SCN1A: variants seen among roughly 807,000 people sequenced by gnomAD.
The protein encoded by SCN1A is sodium channel protein type 1 subunit alpha.
SCN1A carries 13 observed loss-of-function variants against 193.7 expected under a neutral mutation model. The observed-to-expected ratio is 0.07, with a 90% CI of 0.04 to 0.11. The LOEUF is 0.11. Ranked by LOEUF, SCN1A falls within the 10% of genes least tolerant of loss-of-function variation. SCN1A has a pLI of 1.00. For synonymous variants in SCN1A, 781 were observed against 843.6 expected (o/e 0.93, Z 1.29); for missense variants, 1,432 against 2,451.1 (o/e 0.58, Z 8.78).
chr2:166,105,512 C>A (rs901038009), intron 2 of SCN1A, among the ~76,000 whole-genome samples: 2 of 152,120 alleles, frequency 1.3e-5, no homozygotes, highest in African/African-American at 2.4e-5. Flanking sequence ...CGTATTTGAC[C>A]ATATGAAAAT....
At chr2:166,015,570 C>G (rs764118654) in intron 20 of SCN1A, 37 bp downstream of exon 20, 3 of 1,611,150 alleles carry the variant, frequency 1.9e-6, no homozygotes, top group Non-Finnish European at 2.5e-6. Context: ...AAGCTGCACT[C>G]CAAATGAAAG....
At chr2:166,001,048 T>C (rs912948326) in intron 24 of SCN1A, among the ~76,000 whole-genome samples, 8 of 151,788 alleles carry the variant, frequency 5.3e-5, no homozygotes, top group African/African-American at 1.7e-4. Flanking sequence ...TAGTGATATT[T>C]ACAAGTATGG....
chr2:166,054,345 TTGTG>T (rs1183652212), intron 7 of SCN1A, among the ~76,000 whole-genome samples: 1 of 130,606 alleles, frequency 7.7e-6, no homozygotes, highest in African/African-American at 2.6e-5. Flanking sequence ...TGACATTAGA[TTGTG>T]TGTGTTCATA....
chr2:166,088,378 A>G lies in SCN1A; in HGVS notation c.-141-10577T>C, dbSNP rs527383853. ...TGCCAATGCCTATTTTCAGGTGTCA[A>G]TGATGAAGAACTGGAAAAAGATATA... is the stretch of plus-strand genomic sequence containing the variant. On this transcript the variant is annotated intron_variant, in intron 2 of 28. Transcript: ENST00000674923. Among the ~76,000 whole-genome samples, 20 of 152,304 alleles carry G rather than the reference A, an allele frequency of 1.3e-4. No homozygotes were observed. The South Asian group carries it at 3.1e-3, about 24-fold the overall frequency.
intron 3 of SCN1A, among the ~76,000 whole-genome samples, chr2:166,074,996 G>A (rs1684850426): frequency 1.3e-5 from 2 of 152,106 alleles, no homozygotes; most frequent in African/African-American, 2.4e-5. Context: ...CAGTTATTTA[G>A]TACCTGCAAG....
intron 1 of SCN1A, among the ~76,000 whole-genome samples, chr2:166,134,998 A>T (rs1272244907): frequency 6.6e-6 from 1 of 152,220 alleles, no homozygotes; most frequent in Non-Finnish European, 1.5e-5. Context: ...GAATGAAGTT[A>T]CTGTGTGGAT....
At chr2:166,008,643 C>T (rs986617681) in intron 23 of SCN1A, among the ~76,000 whole-genome samples, 2 of 150,890 alleles carry the variant, frequency 1.3e-5, no homozygotes, top group Admixed American at 6.6e-5. Flanking sequence ...TTAGGGAAAT[C>T]GAAGACAAGT....
intron 14 of SCN1A, 112 bp downstream of exon 14, chr2:166,043,557 A>T: frequency 8.2e-7 from 1 of 1,218,458 alleles, no homozygotes; most frequent in Non-Finnish European, 1.1e-6. Flanking sequence ...ATGCAGGTGC[A>T]TTCACAGCGT....
intron 2 of SCN1A, among the ~76,000 whole-genome samples, chr2:166,121,539 T>C (rs1233366308): frequency 6.6e-6 from 1 of 152,228 alleles, no homozygotes; most frequent in Admixed American, 6.5e-5. Context: ...CATCATTTTA[T>C]TTCTGCCCCC....
chr2:166,147,492 A>T (rs1692370774), intron 1 of SCN1A, among the ~76,000 whole-genome samples: 1 of 152,228 alleles, frequency 6.6e-6, no homozygotes, highest in Non-Finnish European at 1.5e-5. Flanking sequence ...CAAATCAATT[A>T]TAGACAATTT....
At chr2:166,120,282 T>A (rs1256363034) in intron 2 of SCN1A, among the ~76,000 whole-genome samples, 1 of 151,630 alleles carries the variant, frequency 6.6e-6, no homozygotes, top group Non-Finnish European at 1.5e-5. Flanking sequence ...AAACAAAAAC[T>A]TTATAAAGAA....
rs2105411580 is a variant in SCN1A at position 165,989,734 on chromosome 2, G to A, written c.*1511C>T. On this transcript the variant is annotated 3_prime_UTR_variant, in exon 29 of 29. Transcript: ENST00000674923. ...ACTATGGACAGAAAGTAAGAAAAGT[G>A]ATTGTGATATCAACCTGAAGATAAT... is the stretch of plus-strand genomic sequence containing the variant. 1 of 152,662 alleles carries A rather than the reference G, an allele frequency of 6.6e-6. No individual in the cohort carries two copies. Among genetic ancestry groups the A allele is most frequent in the East Asian group, 1.9e-4 (1 of 5,168 alleles). 9.5% of individuals were successfully genotyped at this position (152,662 alleles called of 1,614,324 possible). A position where few individuals can be genotyped will look rare whatever the true frequency, so the allele number is the denominator to read the frequency against.
Position 166,023,844 on chromosome 2 carries a change from C to T in SCN1A, c.3430-8117G>A, listed in dbSNP as rs564535859. On this transcript the variant is annotated intron_variant, in intron 19 of 28. Transcript: ENST00000674923. ...AGGCTGGAGTGCAATGGCGCAATCT[C>T]GGCTCACTGTGACCTCTGCCTCCCG... Among the ~76,000 whole-genome samples, 103 of 151,892 alleles carry T rather than the reference C, an allele frequency of 6.8e-4. No homozygotes were observed. The Middle Eastern group carries it at 0.01, about 15-fold the overall frequency.
intron 10 of SCN1A, 94 bp from the exon 11 acceptor site, chr2:166,047,862 T>A (rs1028340097): frequency 6.5e-7 from 1 of 1,545,250 alleles, no homozygotes; most frequent in Non-Finnish European, 8.9e-7. Flanking sequence ...AAAGATTTGG[T>A]ATTTCAAAAT....
intron 2 of SCN1A, among the ~76,000 whole-genome samples, chr2:166,088,432 A>G (rs1225284112): frequency 6.6e-6 from 1 of 152,170 alleles, no homozygotes; most frequent in Non-Finnish European, 1.5e-5. Context: ...AAAGAAAAAA[A>G]TGCATGCTTT....
chr2:166,092,225 G>GA (rs1354813340), intron 2 of SCN1A, among the ~76,000 whole-genome samples: 3 of 152,048 alleles, frequency 2.0e-5, no homozygotes, highest in African/African-American at 7.2e-5. Flanking sequence ...AGATCTTTTT[G>GA]AAAACACATA....
In SCN1A at chr2:166,073,388, C is replaced by T. The variant is rs121917933; in HGVS notation, c.234G>A (p.Glu78=). The T allele has an allele frequency of 4.3e-6, 7 of 1,614,118 alleles. No individual in the cohort carries two copies. The highest frequency in any genetic ancestry group is 5.1e-6 in the Non-Finnish European group (6 of 1,180,030). Residue 78 remains glutamate (E), a synonymous_variant, in exon 4 of 29, where the codon GAG becomes GAA. Transcript: ENST00000674923. ...TATTGATATAGTAGGGGTCCAGGTC[C>T]TCCAGGGGCTCTGACACCATCTCTG... The part of the protein sequence containing the change: ...IPPEMVSEPL[E]DLDPYYINKK...
At chr2:166,087,632 A>C (rs1332499515) in intron 2 of SCN1A, among the ~76,000 whole-genome samples, 1 of 152,144 alleles carries the variant, frequency 6.6e-6, no homozygotes, top group Non-Finnish European at 1.5e-5. Flanking sequence ...TACAGTCTGA[A>C]GAACCATAAG....
At chr2:166,128,716 T>G (rs1691497920), upstream of SCN1A, among the ~76,000 whole-genome samples, 1 of 152,208 alleles carries the variant, frequency 6.6e-6, no homozygotes, top group Non-Finnish European at 1.5e-5. Context: ...TTTCCCATCT[T>G]GTGGACACAG....
Sources: gnomAD v4.1 joint callset for allele counts (sites outside exome capture counted in the v4.1 genomes callset) on GRCh38, gnomAD v4.1.1 for gene constraint, MANE v1.5 for transcripts, NCBI Gene and HGNC (gene_info 2026-07-23, HGNC 2026-07-21) for gene names.